RPRD2: variants seen among roughly 807,000 people sequenced by gnomAD.
RPRD2 encodes the protein regulation of nuclear pre-mRNA domain containing 2.
In RPRD2, 12 loss-of-function variants were observed where a neutral mutation model predicts 104.4. That is an observed-to-expected ratio of 0.11 (90% CI 0.07 to 0.19). RPRD2 has a LOEUF of 0.19. Among genes scored for constraint, RPRD2 ranks in the 10% least tolerant of loss-of-function variants. The pLI, the probability that RPRD2 is intolerant of heterozygous loss-of-function variation, is 1.00. For missense variants in RPRD2, 1,543 were observed against 1,790.1 expected (o/e 0.86, Z 2.49); for synonymous variants, 714 against 684.9 (o/e 1.04, Z -0.66).
intron 2 of RPRD2, among the ~76,000 whole-genome samples, chr1:150,418,574 A>G (rs932540917): frequency 2.6e-5 from 4 of 152,224 alleles, no homozygotes; most frequent in African/African-American, 7.2e-5. Context: ...GTGTATTCCT[A>G]TGAAATGATC....
rs1396523092 is a variant in RPRD2 at position 150,475,200 on chromosome 1, GTTATA to G, written c.*1869_*1873del. The G allele has an allele frequency of 6.6e-6, 1 of 151,874 alleles. No homozygotes were observed. The highest frequency in any genetic ancestry group is 1.5e-5 in the Non-Finnish European group (1 of 67,976). 9.4% of individuals were successfully genotyped at this position (151,874 alleles called of 1,614,324 possible). On this transcript the variant is annotated 3_prime_UTR_variant, in exon 11 of 11. Coordinates refer to ENST00000369068, the MANE Select transcript of RPRD2 (RefSeq NM_015203.5). The stretch of plus-strand genomic sequence containing the variant: ...AGTGTAGCAAAGAAAAGAAAGTATA[GTTATA>G]TTGAGTCCTAAGACATTTGTTAGGG...
intron 7 of RPRD2, 104 bp downstream of exon 7, chr1:150,446,505 C>G (rs1290987292): frequency 1.0e-6 from 1 of 999,132 alleles, no homozygotes; most frequent in Non-Finnish European, 1.4e-6. Context: ...TTTTTATCTC[C>G]TTATCGCAGA....
intron 1 of RPRD2, among the ~76,000 whole-genome samples, chr1:150,400,848 G>A (rs1553885199): frequency 6.6e-6 from 1 of 151,794 alleles, no homozygotes; most frequent in Non-Finnish European, 1.5e-5. Context: ...AAATGAATGT[G>A]GAATTTTATT....
chr1:150,471,256 C>T lies in RPRD2; in HGVS notation c.2308C>T (p.Pro770Ser). Residue 770 changes from proline (P) to serine (S), a missense_variant, in exon 11 of 11, where the codon CCA becomes TCA. Physicochemically the swap from Pro to Ser is moderately conservative, Grantham distance 74. This residue lies in a region of RPRD2 where 880 missense variants were observed against 885.6 expected (regional missense o/e 0.99). Transcript: ENST00000369068. This position sits in a 1 kb window ranked among gnomAD's most constrained non-coding sequence, Gnocchi z 5.3. ...GSSTPSSTRS[P>S]PPGRDESYPR... ...CTCAACACCCAGCAGTACAAGATCACCACCCCCTGGGAGAGATGAAAGCTA... is the reference window on the plus strand; with the variant it reads ...CTCAACACCCAGCAGTACAAGATCATCACCCCCTGGGAGAGATGAAAGCTA... 4 of 1,613,834 alleles carry T rather than the reference C, an allele frequency of 2.5e-6. No homozygotes were observed. The highest frequency in any genetic ancestry group is 3.4e-6 in the Non-Finnish European group (4 of 1,179,866).
chr1:150,411,846 C>T (rs1663955744), intron 1 of RPRD2, among the ~76,000 whole-genome samples: 1 of 147,698 alleles, frequency 6.8e-6, no homozygotes. Context: ...AGGCAGTAGG[C>T]TAGGCGCGGT....
intron 2 of RPRD2, among the ~76,000 whole-genome samples, chr1:150,419,655 C>T (rs1166022512): frequency 2.6e-5 from 4 of 152,038 alleles, no homozygotes; most frequent in African/African-American, 9.7e-5. Flanking sequence ...GAGTTTCGCT[C>T]TTGTTGCCCA....
intron 2 of RPRD2, among the ~76,000 whole-genome samples, chr1:150,426,520 C>G (rs1665134326): frequency 6.6e-6 from 1 of 152,092 alleles, no homozygotes; most frequent in Non-Finnish European, 1.5e-5. Flanking sequence ...CATGAAAATG[C>G]TCTAAAAATC....
chr1:150,377,618 TAGTA>T (rs1660817847), intron 1 of RPRD2, among the ~76,000 whole-genome samples: 1 of 151,870 alleles, frequency 6.6e-6, no homozygotes, highest in South Asian at 2.1e-4. Flanking sequence ...AAAAAACATT[TAGTA>T]AGTAAGATAG....
chr1:150,452,661 C>CTTTTTTTT lies in RPRD2; in HGVS notation c.871-4609_871-4602dup, dbSNP rs782322743. 1.1e-3 allele frequency among the ~76,000 whole-genome samples: 78 copies of CTTTTTTTT among 71,238 alleles called. 5 individuals carry two copies. Among genetic ancestry groups the CTTTTTTTT allele is most frequent in the African/African-American group, 3.1e-3 (54 of 17,456 alleles). The allele number at this position is 71,238 out of a possible 152,430, so 46.7% of individuals were successfully genotyped here. A position where few individuals can be genotyped will look rare whatever the true frequency, so the allele number is the denominator to read the frequency against. Reference sequence around the variant, plus strand: ...TTTCTGTGTTCTTTTGACATATCCCCTTTTTTTTTTTTTTTTTTTTTTTTT... The same window carrying CTTTTTTTT: ...TTTCTGTGTTCTTTTGACATATCCCCTTTTTTTTTTTTTTTTTTTTTTTTTTTTTTTTT... On this transcript the variant is annotated intron_variant, in intron 7 of 10. Transcript: ENST00000369068.
chr1:150,430,108 C>T (rs1421924606), intron 2 of RPRD2, among the ~76,000 whole-genome samples: 6 of 152,158 alleles, frequency 3.9e-5, no homozygotes, highest in Admixed American at 3.3e-4. Flanking sequence ...GATCTCTGAA[C>T]ACACAGAAAA....
intron 9 of RPRD2, 77 bp downstream of exon 9, chr1:150,460,394 G>GGTTGTTGTTGTTGTTGTT (rs72430251): frequency 9.1e-5 from 98 of 1,081,878 alleles, no homozygotes; most frequent in Non-Finnish European, 1.3e-5. Flanking sequence ...TTTTTGGGGG[G>GGTTGTTGTTGTTGTTGTT]GTTGTTGTTG....
At chr1:150,372,723 A>G (rs1332852544) in intron 1 of RPRD2, among the ~76,000 whole-genome samples, 15 of 152,180 alleles carry the variant, frequency 9.9e-5, no homozygotes, top group Admixed American at 9.2e-4. Context: ...ATATTAAGCA[A>G]TATAGACATG....
intron 2 of RPRD2, among the ~76,000 whole-genome samples, chr1:150,425,585 A>G (rs1280955272): frequency 5.3e-5 from 8 of 151,882 alleles, no homozygotes; most frequent in African/African-American, 1.7e-4. Flanking sequence ...AGAGGTTGCA[A>G]TGTGCCGAGA....
rs184455143 is a variant in RPRD2, at chr1:150,447,955, T to C, written c.870+1554T>C. On this transcript the variant is annotated intron_variant, in intron 7 of 10. Coordinates refer to ENST00000369068, the MANE Select transcript of RPRD2 (RefSeq NM_015203.5). Reference sequence around the variant, plus strand: ...ATATGACAGATGTGGATTTAGCTTATACTCACCCGCCTTTCTCCTTCTCCC... The same window carrying C: ...ATATGACAGATGTGGATTTAGCTTACACTCACCCGCCTTTCTCCTTCTCCC... Among the ~76,000 whole-genome samples the C allele has an allele frequency of 3.3e-5, 5 of 152,358 alleles. No homozygotes were observed. The East Asian group carries it at 9.6e-4, about 29-fold the overall frequency.
chr1:150,445,448 T>C (rs1385111709), intron 6 of RPRD2, among the ~76,000 whole-genome samples: 2 of 152,208 alleles, frequency 1.3e-5, no homozygotes, highest in African/African-American at 4.8e-5. Flanking sequence ...AGAACTTTTA[T>C]TGTGATGCAT....
At chr1:150,413,931 G>GA (rs797035896) in intron 1 of RPRD2, among the ~76,000 whole-genome samples, 35 of 142,802 alleles carry the variant, frequency 2.5e-4, no homozygotes, top group South Asian at 8.9e-4. Flanking sequence ...ATCTCAAAAA[G>GA]AAAAAAAAAA....
intron 1 of RPRD2, among the ~76,000 whole-genome samples, chr1:150,399,050 T>G (rs1662766886): frequency 6.6e-6 from 1 of 152,204 alleles, no homozygotes; most frequent in Admixed American, 6.5e-5. Flanking sequence ...TTACCCAGGC[T>G]GGAGTGCAGT....
intron 1 of RPRD2, among the ~76,000 whole-genome samples, chr1:150,402,535 A>G (rs1356771869): frequency 6.6e-6 from 1 of 152,124 alleles, no homozygotes; most frequent in Non-Finnish European, 1.5e-5. Context: ...AAACAGCCAC[A>G]TGTGGTGGCA....
intron 1 of RPRD2, among the ~76,000 whole-genome samples, chr1:150,383,027 G>C (rs1467239897): frequency 6.6e-6 from 1 of 151,930 alleles, no homozygotes; most frequent in East Asian, 1.9e-4. Context: ...GAGTCTCACT[G>C]TGTCACCCAG....
Sources: allele counts gnomAD v4.1 joint callset (sites outside exome capture counted in the v4.1 genomes callset), GRCh38; gene constraint gnomAD v4.1.1; regional missense constraint gnomAD v4.1.1; non-coding constraint Gnocchi (gnomAD v3.1); transcripts MANE v1.5; gene names NCBI Gene and HGNC (gene_info 2026-07-23, HGNC 2026-07-21).